OTX1: variants seen among roughly 807,000 people sequenced by gnomAD.
OTX1 encodes homeobox protein OTX1.
A neutral mutation model predicts 26.7 loss-of-function variants in OTX1; 7 were observed. That is an observed-to-expected ratio of 0.26 (90% CI 0.15 to 0.49). The LOEUF (loss-of-function observed/expected upper bound fraction) is 0.49, where lower values mean the gene tolerates loss of function less well. Among genes scored for constraint, OTX1 ranks in the 20% least tolerant of loss-of-function variants. OTX1 has a pLI of 0.98. For missense variants in OTX1, 414 were observed against 483.8 expected (o/e 0.86, Z 1.35); for synonymous variants, 216 against 212.8 (o/e 1.01, Z -0.13).
Position 63,054,120 on chromosome 2 carries a change from C to T in OTX1, c.171C>T (p.Phe57=), listed in dbSNP as rs1193760193. 1 of 1,612,290 alleles carries T rather than the reference C, an allele frequency of 6.2e-7. No individual in the cohort carries two copies. Among genetic ancestry groups the T allele is most frequent in the East Asian group, 2.2e-5 (1 of 44,756 alleles). ...AGCTGGACGTGCTCGAGGCGCTCTT[C>T]GCCAAGACTCGCTACCCTGACATCT... ...RSQLDVLEAL[F]AKTRYPDIFM... is the part of the protein sequence containing the mutation. Residue 57 remains phenylalanine (F), a synonymous_variant, in exon 4 of 5, where the codon TTC becomes TTT. Coordinates refer to ENST00000282549, the MANE Select transcript of OTX1 (RefSeq NM_014562.4).
chr2:63,053,241 C>G, intron 3 of OTX1, 154 bp downstream of exon 3: 1 of 539,888 alleles, frequency 1.9e-6, no homozygotes, highest in Non-Finnish European at 3.2e-6. Flanking sequence ...GGCCCACTGC[C>G]GGCGCATGGG....
rs2062055570 is a variant in OTX1, at chr2:63,055,344, G to A, written c.250-157G>A. Among the ~76,000 whole-genome samples the A allele has an allele frequency of 6.6e-6, 1 of 152,222 alleles. No individual in the cohort carries two copies. The highest frequency in any genetic ancestry group is 1.5e-5 in the Non-Finnish European group (1 of 68,040). Reference sequence around the variant, plus strand: ...GTGGAGGAGCTGGGAACCGAGGTAGGGGGCAGGGTCTGGCCAGGCCAGAGA... The same window carrying A: ...GTGGAGGAGCTGGGAACCGAGGTAGAGGGCAGGGTCTGGCCAGGCCAGAGA... On this transcript the variant is annotated intron_variant, in intron 4 of 4. Transcript: ENST00000282549. The surrounding 1 kb of genome is among the most constrained non-coding windows in gnomAD (Gnocchi z 5.2).
At chr2:63,053,912 G>A in intron 3 of OTX1, 135 bp from the exon 4 acceptor site, 3 of 1,038,854 alleles carry the variant, frequency 2.9e-6, no homozygotes, top group Non-Finnish European at 4.1e-6. Flanking sequence ...GCCGCCCGAG[G>A]GAGTTTCTTT....
intron 4 of OTX1, among the ~76,000 whole-genome samples, chr2:63,054,620 C>T (rs1438160896): frequency 6.6e-6 from 1 of 152,202 alleles, no homozygotes; most frequent in African/African-American, 2.4e-5. Context: ...AATGGAAGAG[C>T]GGAGATTGGC....
chr2:63,050,745 G>A (rs2062019374), upstream of OTX1: 1 of 152,204 alleles, frequency 6.6e-6, no homozygotes, highest in Non-Finnish European at 1.5e-5. Context: ...CTGTCACTCA[G>A]CCCGCGCGGG....
At chr2:63,052,768 A>G in intron 2 of OTX1, 112 bp from the exon 3 acceptor site, 2 of 520,710 alleles carry the variant, frequency 3.8e-6, no homozygotes, top group Non-Finnish European at 6.7e-6. Context: ...TGTGGATCCC[A>G]GTTGACCACC....
intron 3 of OTX1, 72 bp from the exon 4 acceptor site, chr2:63,053,975 G>GC: frequency 6.5e-7 from 1 of 1,540,578 alleles, no homozygotes; most frequent in East Asian, 2.4e-5. Flanking sequence ...CCTGCCAGGG[G>GC]CCTGCCCGAG....
In OTX1 at chr2:63,056,010, G is replaced by A. The variant is rs541502870; in HGVS notation, c.759G>A (p.Ala253=). ...FGGVDCSSYL[A]PMHSHHHPHQ... is the part of the protein sequence containing the mutation. ...GCGTGGACTGCAGCTCATACCTAGC[G>A]CCCATGCACTCACATCACCACCCGC... Residue 253 remains alanine, a synonymous_variant, in exon 5 of 5, where the codon GCG becomes GCA. Transcript: ENST00000282549. 2 of 1,613,836 alleles carry A rather than the reference G, an allele frequency of 1.2e-6. No homozygotes were observed. Among genetic ancestry groups the A allele is most frequent in the Non-Finnish European group, 8.5e-7 (1 of 1,180,032 alleles).
In OTX1 at chr2:63,056,423, T is replaced by C; in HGVS notation, c.*107T>C. 4 of 1,024,950 alleles carry C rather than the reference T, an allele frequency of 3.9e-6. No homozygotes were observed. The highest frequency in any genetic ancestry group is 5.7e-6 in the Non-Finnish European group (4 of 704,314). The allele number at this position is 1,024,950 out of a possible 1,614,324, so 63.5% of individuals were successfully genotyped here. A position where few individuals can be genotyped will look rare whatever the true frequency, so the allele number is the denominator to read the frequency against. Reference sequence around the variant, plus strand: ...GCCTTTGCCTCGTCTTCTCCAAAACTGAATTTTCACCCCCCAAAAAGATGT... The same window carrying C: ...GCCTTTGCCTCGTCTTCTCCAAAACCGAATTTTCACCCCCCAAAAAGATGT... On this transcript the variant is annotated 3_prime_UTR_variant, in exon 5 of 5. Transcript: ENST00000282549.
In OTX1 at chr2:63,055,915, C is replaced by G; in HGVS notation, c.664C>G (p.Pro222Ala). The part of the protein sequence containing the change: ...AGAATAAASY[P>A]MSYGQGGSYG... Reference sequence around the variant, plus strand: ...CGCCGCCACCGCAGCAGCCTCTTATCCCATGTCCTACGGCCAGGGCGGCAG... The same window carrying G: ...CGCCGCCACCGCAGCAGCCTCTTATGCCATGTCCTACGGCCAGGGCGGCAG... The change falls in exon 5 of 5, where the codon CCC becomes GCC. Residue 222 changes from proline to alanine, a missense_variant. Pro to Ala is a conservative substitution (Grantham distance 27). This residue lies in a region of OTX1 where 320 missense variants were observed against 347.9 expected (regional missense o/e 0.92). Coordinates refer to ENST00000282549, the MANE Select transcript of OTX1 (RefSeq NM_014562.4). This position sits in a 1 kb window ranked among gnomAD's most constrained non-coding sequence, Gnocchi z 5.2. The G allele has an allele frequency of 6.2e-7, 1 of 1,612,824 alleles. No homozygotes were observed. Among genetic ancestry groups the G allele is most frequent in the Non-Finnish European group, 8.5e-7 (1 of 1,180,026 alleles).
chr2:63,056,529 G>C lies in OTX1; in HGVS notation c.*213G>C. On this transcript the variant is annotated 3_prime_UTR_variant, in exon 5 of 5. Coordinates refer to ENST00000282549, the MANE Select transcript of OTX1 (RefSeq NM_014562.4). ...AACCCACCCTGCCCCTTGGATGGGG[G>C]GACCGGTGCTTCGGCTTGGCCTACA... 1 of 600,814 alleles carries C rather than the reference G, an allele frequency of 1.7e-6. No individual in the cohort carries two copies. Among genetic ancestry groups the C allele is most frequent in the Non-Finnish European group, 3.0e-6 (1 of 338,760 alleles). The allele number at this position is 600,814 out of a possible 1,614,324, so 37.2% of individuals were successfully genotyped here.
rs777424617 is a variant in OTX1 at position 63,055,987 on chromosome 2, G to C, written c.736G>C (p.Val246Leu). ...PTPSSSYFGG[V>L]DCSSYLAPMH... ...GCCCTCCTCTTCCTACTTTGGCGGCGTGGACTGCAGCTCATACCTAGCGCC... is the reference window on the plus strand; with the variant it reads ...GCCCTCCTCTTCCTACTTTGGCGGCCTGGACTGCAGCTCATACCTAGCGCC... Residue 246 changes from valine (V) to leucine (L), a missense_variant, in exon 5 of 5, where the codon GTG (valine) becomes CTG (leucine). Val to Leu is a conservative substitution (Grantham distance 32). Coordinates refer to ENST00000282549, the MANE Select transcript of OTX1 (RefSeq NM_014562.4). This position sits in a 1 kb window ranked among gnomAD's most constrained non-coding sequence, Gnocchi z 5.2. The C allele has an allele frequency of 6.2e-7, 1 of 1,613,652 alleles. No homozygotes were observed. Among genetic ancestry groups the C allele is most frequent in the African/African-American group, 1.3e-5 (1 of 74,892 alleles).
intron 4 of OTX1, among the ~76,000 whole-genome samples, chr2:63,054,780 C>G (rs1330350682): frequency 6.6e-6 from 1 of 152,218 alleles, no homozygotes; most frequent in Non-Finnish European, 1.5e-5. Flanking sequence ...TCAGAACTCT[C>G]CTCAAGAGTC....
In OTX1 at chr2:63,055,574, C is replaced by T; in HGVS notation, c.323C>T (p.Ala108Val). The change falls in exon 5 of 5, where the codon GCC becomes GTC. Residue 108 changes from alanine to valine, a missense_variant. By Grantham distance (64) the Ala-to-Val change is moderately conservative. This residue lies in a region of OTX1 where 320 missense variants were observed against 347.9 expected (regional missense o/e 0.92). Coordinates refer to ENST00000282549, the MANE Select transcript of OTX1 (RefSeq NM_014562.4). This position sits in a 1 kb window ranked among gnomAD's most constrained non-coding sequence, Gnocchi z 5.2. Reference sequence around the variant, plus strand: ...GGGAGCGGAACCAAGAGCCGCCCAGCCAAGAAGAAGTCCTCTCCAGTGCGG... The same window carrying T: ...GGGAGCGGAACCAAGAGCCGCCCAGTCAAGAAGAAGTCCTCTCCAGTGCGG... ...QSGSGTKSRPAKKKSSPVRES... is the reference protein window; with the variant it reads ...QSGSGTKSRPVKKKSSPVRES... 1.9e-6 allele frequency: 3 copies of T among 1,614,162 alleles called. No individual in the cohort carries two copies. Among genetic ancestry groups the T allele is most frequent in the Non-Finnish European group, 2.5e-6 (3 of 1,180,030 alleles).
rs2062070583 is a variant in OTX1 at position 63,056,695 on chromosome 2, A to T, written c.*379A>T. On this transcript the variant is annotated 3_prime_UTR_variant, in exon 5 of 5. Coordinates refer to ENST00000282549, the MANE Select transcript of OTX1 (RefSeq NM_014562.4). ...GCGCTCTGATCCGCTGTTTGAGCCC[A>T]ACACTTTAATTTATTCTTTCTGGAC... 4.1e-6 allele frequency: 1 copy of T among 242,452 alleles called. No homozygotes were observed. Among genetic ancestry groups the T allele is most frequent in the Non-Finnish European group, 8.1e-6 (1 of 123,286 alleles). 15.0% of individuals were successfully genotyped at this position (242,452 alleles called of 1,614,324 possible). A position where few individuals can be genotyped will look rare whatever the true frequency, so the allele number is the denominator to read the frequency against.
At position 63,055,817 on chromosome 2, in the gene OTX1, C is replaced by G. The variant is rs1278464765; in HGVS notation, c.566C>G (p.Ala189Gly). The G allele has an allele frequency of 1.6e-5, 26 of 1,612,060 alleles. No individual in the cohort carries two copies. Among genetic ancestry groups the G allele is most frequent in the Non-Finnish European group, 1.9e-5 (23 of 1,179,744 alleles). The change falls in exon 5 of 5, where the codon GCG becomes GGG. Residue 189 changes from alanine (A) to glycine (G), a missense_variant. Transcript: ENST00000282549. This position sits in a 1 kb window ranked among gnomAD's most constrained non-coding sequence, Gnocchi z 5.2. ...TCCATCTCGCCAGGCTCAGCGCCCG[C>G]GTCCGTGTCGGTGCCGGAGCCATTG... is the stretch of plus-strand genomic sequence containing the variant. ...PASISPGSAP[A>G]SVSVPEPLAA...
rs778045501 is a variant in OTX1 at position 63,056,304 on chromosome 2, C to A, written c.1053C>A (p.Phe351Leu). ...LDYKDQASWR[F>L]QVL ...ATAAGGACCAAGCCTCATGGCGGTT[C>A]CAGGTCTTGTGAGCCCAGGAATGAA... The change falls in exon 5 of 5, where the codon TTC (phenylalanine) becomes TTA (leucine). Residue 351 changes from phenylalanine (F) to leucine (L), a missense_variant. Coordinates refer to ENST00000282549, the MANE Select transcript of OTX1 (RefSeq NM_014562.4). 2 of 1,611,530 alleles carry A rather than the reference C, an allele frequency of 1.2e-6. No individual in the cohort carries two copies. The highest frequency in any genetic ancestry group is 2.2e-5 in the South Asian group (2 of 90,988).
intron 3 of OTX1, 153 bp from the exon 4 acceptor site, chr2:63,053,894 C>A (rs1362565537): frequency 2.4e-6 from 2 of 842,474 alleles, no homozygotes; most frequent in Non-Finnish European, 1.8e-6. Context: ...TGTGGCCTCT[C>A]AGGCTCGGCC....
intron 2 of OTX1, among the ~76,000 whole-genome samples, chr2:63,052,527 T>A (rs1377716810): frequency 1.3e-5 from 2 of 152,234 alleles, no homozygotes; most frequent in African/African-American, 4.8e-5. Context: ...CAAGTGAACC[T>A]TTGCTTGTGC....
Sources: gnomAD v4.1 joint callset for allele counts (sites outside exome capture counted in the v4.1 genomes callset) on GRCh38, gnomAD v4.1.1 for gene constraint, gnomAD v4.1.1 regional missense constraint, Gnocchi (gnomAD v3.1) non-coding constraint, MANE v1.5 for transcripts, NCBI Gene and HGNC (gene_info 2026-07-23, HGNC 2026-07-21) for gene names.